The following SYNE1 variants were observed in gnomAD, a reference collection of about 807,000 sequenced individuals.
The protein encoded by SYNE1 is nesprin-1.
Under a neutral mutation model 1,111.0 loss-of-function variants are expected in SYNE1, and 616 were observed. That is an observed-to-expected ratio of 0.55 (90% CI 0.52 to 0.59). The LOEUF (loss-of-function observed/expected upper bound fraction) is 0.59, where lower values mean the gene tolerates loss of function less well. Ranked by LOEUF, SYNE1 falls within the 20% of genes least tolerant of loss-of-function variation. SYNE1 has a pLI of 0.00. For missense variants in SYNE1, 10,006 were observed against 10,417.0 expected, an observed-to-expected ratio of 0.96 and a Z score of 1.72; for synonymous variants, 3,855 against 3,825.8, an observed-to-expected ratio of 1.01 and a Z score of -0.28.
intron 62 of SYNE1, 192 bp downstream of exon 62, chr6:152,367,026 A>G: frequency 2.7e-6 from 2 of 747,282 alleles, no homozygotes; most frequent in East Asian, 5.3e-5. Flanking sequence ...TATTTTTTGG[A>G]AAACATCCGG....
At chr6:152,519,145 TA>T (rs1192781935) in intron 6 of SYNE1, among the ~76,000 whole-genome samples, 1 of 151,932 alleles carries the variant, frequency 6.6e-6, no homozygotes, top group Non-Finnish European at 1.5e-5. Flanking sequence ...AATAATAATT[TA>T]AAAAAAGAAA....
At chr6:152,587,305 A>C (rs1448006935) in intron 3 of SYNE1, among the ~76,000 whole-genome samples, 1 of 152,098 alleles carries the variant, frequency 6.6e-6, no homozygotes, top group Non-Finnish European at 1.5e-5. Flanking sequence ...CTTCCTTATC[A>C]TCTTTTACCA....
At position 152,293,603 on chromosome 6, in the gene SYNE1, C is replaced by T; in HGVS notation, c.17997G>A (p.Gln5999=). ...CTATTTGTACCTGATGTTCAGCCATCTGGCTTTCTGGACTCCTGCCAGGCT... is the reference window on the plus strand; with the variant it reads ...CTATTTGTACCTGATGTTCAGCCATTTGGCTTTCTGGACTCCTGCCAGGCT... The part of the protein sequence containing the change: ...SPEPGRSPES[Q]MAEHQALMDE... The change falls in exon 95 of 146, where the codon CAG becomes CAA. Residue 5999 remains glutamine (Q), a synonymous_variant. Transcript: ENST00000367255. 6.2e-7 allele frequency: 1 copy of T among 1,614,132 alleles called. No individual in the cohort carries two copies. The highest frequency in any genetic ancestry group is 8.5e-7 in the Non-Finnish European group (1 of 1,180,014).
At chr6:152,511,838 A>T (rs1019195764) in intron 6 of SYNE1, among the ~76,000 whole-genome samples, 2 of 152,140 alleles carry the variant, frequency 1.3e-5, no homozygotes, top group African/African-American at 4.8e-5. Context: ...TGTACAATTG[A>T]CCCAAATTAT....
intron 119 of SYNE1, among the ~76,000 whole-genome samples, chr6:152,219,652 C>T (rs1277324082): frequency 1.3e-5 from 2 of 152,024 alleles, no homozygotes; most frequent in Admixed American, 6.6e-5. Flanking sequence ...GGAATTTGTC[C>T]GTGGTGTCTT....
At chr6:152,338,148 C>CAAAAT (rs541717579) in intron 75 of SYNE1, among the ~76,000 whole-genome samples, 10 of 151,614 alleles carry the variant, frequency 6.6e-5, no homozygotes, top group African/African-American at 9.7e-5. Flanking sequence ...ACTCTTTCTC[C>CAAAAT]AAAATAAAAT....
chr6:152,473,866 C>T (rs1340087610), intron 14 of SYNE1, among the ~76,000 whole-genome samples: 2 of 152,114 alleles, frequency 1.3e-5, no homozygotes, highest in Admixed American at 1.3e-4. Context: ...GCTACCCAAA[C>T]AAAAACATTT....
intron 72 of SYNE1, among the ~76,000 whole-genome samples, chr6:152,349,184 C>T (rs1246335322): frequency 6.6e-6 from 1 of 152,212 alleles, no homozygotes; most frequent in East Asian, 1.9e-4. Context: ...TCAGTTGCTC[C>T]ATGAAATTGT....
intron 3 of SYNE1, among the ~76,000 whole-genome samples, chr6:152,572,629 G>A (rs2099468749): frequency 6.6e-6 from 1 of 152,172 alleles, no homozygotes; most frequent in African/African-American, 2.4e-5. Flanking sequence ...ATACTCAAAA[G>A]CTCCTCTGCA....
At chr6:152,223,605 G>A (rs754899921) in intron 117 of SYNE1, among the ~76,000 whole-genome samples, 1 of 151,308 alleles carries the variant, frequency 6.6e-6, no homozygotes, top group East Asian at 2.0e-4. Context: ...GCGACAGAGC[G>A]AGACTCTGTC....
At chr6:152,190,540 T>C (rs2763016) in intron 127 of SYNE1, among the ~76,000 whole-genome samples, 59,754 of 152,100 alleles carry the variant, frequency 0.39, 11,891 homozygotes, top group African/African-American at 0.47. Flanking sequence ...AAAGTAAATA[T>C]GGTATTCATC....
chr6:152,132,009 C>A, intron 144 of SYNE1, 113 bp downstream of exon 144: 1 of 911,140 alleles, frequency 1.1e-6, no homozygotes, highest in Non-Finnish European at 1.8e-6. Context: ...CCCTGTGTGA[C>A]AGCCCTCCTC....
chr6:152,439,821 C>T (rs2098512059), intron 32 of SYNE1, among the ~76,000 whole-genome samples: 1 of 152,156 alleles, frequency 6.6e-6, no homozygotes, highest in Non-Finnish European at 1.5e-5. Context: ...CCCAAAGAGG[C>T]ACCACAGGAA....
At chr6:152,234,110 C>T in intron 111 of SYNE1, 147 bp from the exon 112 acceptor site, 2 of 882,128 alleles carry the variant, frequency 2.3e-6, no homozygotes, top group Non-Finnish European at 3.5e-6. Flanking sequence ...AAGCAGTACA[C>T]CCTTGCCCTC....
chr6:152,325,014 A>G, intron 81 of SYNE1, 70 bp downstream of exon 81: 7 of 1,571,468 alleles, frequency 4.5e-6, no homozygotes, highest in Non-Finnish European at 5.2e-6. Context: ...AAAGGGGCAA[A>G]ATACTGTGTT....
At chr6:152,203,978 C>T (rs768118864) in intron 126 of SYNE1, among the ~76,000 whole-genome samples, 51 of 152,144 alleles carry the variant, frequency 3.4e-4, no homozygotes, top group Non-Finnish European at 5.7e-4. Flanking sequence ...AAAAGTTTCT[C>T]TTTCTGCTTA....
Position 152,413,480 on chromosome 6 carries a change from T to G in SYNE1, c.6102A>C (p.Glu2034Asp). 6.2e-7 allele frequency: 1 copy of G among 1,614,168 alleles called. No individual in the cohort carries two copies. The highest frequency in any genetic ancestry group is 8.5e-7 in the Non-Finnish European group (1 of 1,180,012). The change falls in exon 42 of 146, where the codon GAA becomes GAC. Residue 2034 changes from glutamate (E) to aspartate (D), a missense_variant. Glu to Asp is a conservative substitution (Grantham distance 45). This residue lies in a region of SYNE1 where 4,955 missense variants were observed against 5,017.2 expected (regional missense o/e 0.99). Transcript: ENST00000367255. ...TGGCTTTGTCTTTCAACCAACATAG[T>G]TCATGCTCGTGAGAATTCAATTCAT... ...LEDELNSHEH[E>D]LCWLKDKAKQ...
intron 41 of SYNE1, among the ~76,000 whole-genome samples, chr6:152,413,916 G>A (rs2098112049): frequency 6.6e-6 from 1 of 151,528 alleles, no homozygotes; most frequent in African/African-American, 2.4e-5. Context: ...TTCAATCCAT[G>A]TAAATAATAG....
intron 3 of SYNE1, among the ~76,000 whole-genome samples, chr6:152,565,072 C>G (rs1377621760): frequency 2.0e-5 from 3 of 152,124 alleles, no homozygotes; most frequent in East Asian, 3.8e-4. Context: ...GGGAATAGAA[C>G]AGACCATTGC....
Sources: gnomAD v4.1 joint callset for allele counts (sites outside exome capture counted in the v4.1 genomes callset) on GRCh38, gnomAD v4.1.1 for gene constraint, gnomAD v4.1.1 regional missense constraint, MANE v1.5 for transcripts, NCBI Gene and HGNC (gene_info 2026-07-23, HGNC 2026-07-21) for gene names.